Variants in FBLN2 observed in about 807,000 individuals in gnomAD.
The protein encoded by FBLN2 is fibulin-2.
Under a neutral mutation model 123.7 loss-of-function variants are expected in FBLN2, and 81 were observed. The ratio of observed to expected loss-of-function variants is 0.65; its 90% CI spans 0.55 to 0.79. The LOEUF (loss-of-function observed/expected upper bound fraction) is 0.79. Among genes scored for constraint, FBLN2 ranks in the 30% least tolerant of loss-of-function variants. The pLI, the probability that FBLN2 is intolerant of heterozygous loss-of-function variation, is 0.00. For missense variants in FBLN2, 1,603 were observed against 1,681.3 expected (o/e 0.95, Z 0.81); for synonymous variants, 699 against 701.4 (o/e 1.00, Z 0.05).
chr3:13,550,955 G>A (rs1241296801), intron 1 of FBLN2, among the ~76,000 whole-genome samples: 1 of 152,200 alleles, frequency 6.6e-6, no homozygotes, highest in Non-Finnish European at 1.5e-5. Flanking sequence ...GTAAAAGTCC[G>A]GATTTCCGTC....
chr3:13,556,771 C>T (rs960258643), intron 1 of FBLN2, among the ~76,000 whole-genome samples: 1 of 152,204 alleles, frequency 6.6e-6, no homozygotes, highest in African/African-American at 2.4e-5. Flanking sequence ...CTTGGTCCCC[C>T]ACAGTGACTT....
chr3:13,624,042 A>G (rs1275425174), intron 9 of FBLN2, among the ~76,000 whole-genome samples: 1 of 152,204 alleles, frequency 6.6e-6, no homozygotes, highest in East Asian at 1.9e-4. Flanking sequence ...TGTCTTGGGC[A>G]CAGGGAAAAG....
intron 9 of FBLN2, among the ~76,000 whole-genome samples, chr3:13,626,145 A>T (rs1310023100): frequency 6.6e-6 from 1 of 152,028 alleles, no homozygotes; most frequent in East Asian, 1.9e-4. Context: ...ATGTTTGTTT[A>T]TGTATTTATT....
In FBLN2 at chr3:13,577,329, C is replaced by T. The variant is rs534763421; in HGVS notation, c.1306+5668C>T. On this transcript the variant is annotated intron_variant, in intron 2 of 17. Coordinates refer to ENST00000404922, the MANE Select transcript of FBLN2 (RefSeq NM_001004019.2). Reference sequence around the variant, plus strand: ...GAGCTGAAAGGGGAGGAGCGAGCCACGCGTGCACCTGAAAGAGGGAGCGGC... The same window carrying T: ...GAGCTGAAAGGGGAGGAGCGAGCCATGCGTGCACCTGAAAGAGGGAGCGGC... 4.6e-5 allele frequency among the ~76,000 whole-genome samples: 7 copies of T among 151,944 alleles called. No individual in the cohort carries two copies. In the East Asian group the frequency reaches 1.2e-3, roughly 25 times the overall value.
At chr3:13,634,487 C>T (rs1038336155) in intron 16 of FBLN2, among the ~76,000 whole-genome samples, 2 of 152,276 alleles carry the variant, frequency 1.3e-5, no homozygotes, top group East Asian at 1.9e-4. Flanking sequence ...AAGCAAAAAG[C>T]TCCCACGTCC....
intron 9 of FBLN2, among the ~76,000 whole-genome samples, chr3:13,623,727 A>G (rs1277818079): frequency 4.6e-5 from 7 of 152,216 alleles, no homozygotes; most frequent in Non-Finnish European, 8.8e-5. Flanking sequence ...ATTTTTAATC[A>G]TAAGACCTTA....
At chr3:13,629,102 C>G in intron 12 of FBLN2, 54 bp downstream of exon 12, 4 of 1,612,826 alleles carry the variant, frequency 2.5e-6, no homozygotes, top group Non-Finnish European at 3.4e-6. Context: ...CGCTTCCCCA[C>G]CCCTGGGAGG....
At chr3:13,553,018 A>G (rs924802045) in intron 1 of FBLN2, among the ~76,000 whole-genome samples, 2 of 152,104 alleles carry the variant, frequency 1.3e-5, no homozygotes, top group Non-Finnish European at 1.5e-5. Context: ...GGAGGCATCT[A>G]GCTGAGCCTG....
chr3:13,558,139 C>T (rs1232704917), intron 1 of FBLN2, among the ~76,000 whole-genome samples: 1 of 152,212 alleles, frequency 6.6e-6, no homozygotes, highest in Admixed American at 6.5e-5. Context: ...GCTGCCCGCT[C>T]CCCTGGCTGC....
chr3:13,614,176 T>C lies in FBLN2; in HGVS notation c.1729+12T>C. The C allele has an allele frequency of 1.9e-6, 3 of 1,608,108 alleles. No homozygotes were observed. Among genetic ancestry groups the C allele is most frequent in the Middle Eastern group, 1.7e-4 (1 of 6,048 alleles). ...TGCACCACGGAGAGGTGAGTGCTGC[T>C]CTTCCCTGGCTGCGGCATATAGGGC... is the stretch of plus-strand genomic sequence containing the variant. On this transcript the variant is annotated intron_variant, in intron 5 of 17. Coordinates refer to ENST00000404922, the MANE Select transcript of FBLN2 (RefSeq NM_001004019.2).
At chr3:13,568,731 C>T (rs1327179306) in intron 1 of FBLN2, 8 of 980,834 alleles carry the variant, frequency 8.2e-6, no homozygotes, top group African/African-American at 3.5e-5. Context: ...GTCCTCCTTC[C>T]GTCTCCTTGA....
chr3:13,595,531 C>T (rs1280787790), intron 2 of FBLN2, among the ~76,000 whole-genome samples: 2 of 152,284 alleles, frequency 1.3e-5, no homozygotes, highest in African/African-American at 4.8e-5. Flanking sequence ...CCACCCTGTC[C>T]CTCCACACCC....
chr3:13,552,975 C>T (rs1481489803), intron 1 of FBLN2, among the ~76,000 whole-genome samples: 2 of 152,022 alleles, frequency 1.3e-5, no homozygotes, highest in Non-Finnish European at 2.9e-5. Flanking sequence ...TCGGGGCCAT[C>T]CTGGAGGAGA....
chr3:13,624,065 T>C (rs957638982), intron 9 of FBLN2, among the ~76,000 whole-genome samples: 8 of 152,156 alleles, frequency 5.3e-5, no homozygotes, highest in African/African-American at 1.9e-4. Context: ...TTGCAGGTGG[T>C]CCAGGCTGCA....
At chr3:13,631,514 G>T in intron 16 of FBLN2, 57 bp downstream of exon 16, 1 of 1,524,258 alleles carries the variant, frequency 6.6e-7, no homozygotes, top group Non-Finnish European at 8.8e-7. Flanking sequence ...CAGGCTCCAA[G>T]CAGGCACAGA....
Position 13,637,833 on chromosome 3 carries a change from G to C in FBLN2, c.3610G>C (p.Asp1204His), listed in dbSNP as rs949200400. The change falls in exon 18 of 18, where the codon GAC (aspartate) becomes CAC (histidine). Residue 1204 changes from aspartate to histidine, a missense_variant. By Grantham distance (81) the Asp-to-His change is moderately conservative (BLOSUM62 -1). Transcript: ENST00000404922. ...AVLEPRDFALDVEMKLWRQGS... is the reference protein window; with the variant it reads ...AVLEPRDFALHVEMKLWRQGS... ...GCTGGAGCCCCGGGACTTTGCCCTG[G>C]ACGTGGAGATGAAGCTCTGGAGGCA... 8 of 1,613,450 alleles carry C rather than the reference G, an allele frequency of 5.0e-6. No individual in the cohort carries two copies. In the Admixed American group the frequency reaches 1.2e-4, roughly 24 times the overall value.
At chr3:13,604,417 G>A (rs1705138558) in intron 2 of FBLN2, among the ~76,000 whole-genome samples, 1 of 152,106 alleles carries the variant, frequency 6.6e-6, no homozygotes. Flanking sequence ...TGTGTAAGGT[G>A]TAAGGAAGGG....
At chr3:13,596,226 C>T (rs543418359) in intron 2 of FBLN2, among the ~76,000 whole-genome samples, 2 of 152,320 alleles carry the variant, frequency 1.3e-5, no homozygotes, top group Non-Finnish European at 2.9e-5. Flanking sequence ...CAGCCTAGAC[C>T]TCCTGGGCTC....
chr3:13,612,724 G>A (rs547558558), intron 4 of FBLN2, among the ~76,000 whole-genome samples: 3 of 152,152 alleles, frequency 2.0e-5, no homozygotes, highest in Non-Finnish European at 4.4e-5. Flanking sequence ...ATAAAATGAG[G>A]ATAATAATCC....
Sources: allele counts gnomAD v4.1 joint callset (sites outside exome capture counted in the v4.1 genomes callset), GRCh38; gene constraint gnomAD v4.1.1; transcripts MANE v1.5; gene names NCBI Gene and HGNC (gene_info 2026-07-23, HGNC 2026-07-21).